MGME1: variants seen among roughly 807,000 people sequenced by gnomAD.
The protein encoded by MGME1 is mitochondrial genome maintenance exonuclease 1.
In MGME1, 22 loss-of-function variants were observed where a neutral mutation model predicts 33.0. That is an observed-to-expected ratio of 0.67 (90% CI 0.48 to 0.95). MGME1 has a LOEUF of 0.95. MGME1 is among the 40% of genes least tolerant of loss of function. The pLI is 0.00. For synonymous variants in MGME1, 133 were observed against 144.0 expected, an observed-to-expected ratio of 0.92 and a Z score of 0.55; for missense variants, 383 against 397.8, an observed-to-expected ratio of 0.96 and a Z score of 0.32.
Position 17,970,184 on chromosome 20 carries a change from A to AGT in MGME1, c.327_328dup (p.Asp110ValfsTer13), listed in dbSNP as rs757302363. 8 of 1,614,106 alleles carry AGT rather than the reference A, an allele frequency of 5.0e-6. No homozygotes were observed. The African/African-American group carries it at 9.3e-5, about 19-fold the overall frequency. ...GTTTCCTATCTTCAATCCAGAGAGA[A>AGT]GTGATAAACCAAATGCAAGTGATCC... is the stretch of plus-strand genomic sequence containing the variant. On this transcript the variant is annotated frameshift_variant, in exon 2 of 5. Coordinates refer to ENST00000377710, the MANE Select transcript of MGME1 (RefSeq NM_052865.4). LOFTEE classifies it high-confidence loss of function.
chr20:17,978,133 G>T (rs1477833889), intron 3 of MGME1, among the ~76,000 whole-genome samples: 1 of 152,052 alleles, frequency 6.6e-6, no homozygotes, highest in East Asian at 1.9e-4. Context: ...CTTCCAATGT[G>T]GGCCAGGAAG....
chr20:17,968,601 G>C (rs1487605628), upstream of MGME1: 3 of 633,588 alleles, frequency 4.7e-6, no homozygotes, highest in Non-Finnish European at 8.4e-6. Flanking sequence ...GCTGCCCCGG[G>C]AGCAGGCGAG....
chr20:17,976,352 G>A (rs1232480633), intron 3 of MGME1, among the ~76,000 whole-genome samples: 1 of 152,046 alleles, frequency 6.6e-6, no homozygotes, highest in East Asian at 1.9e-4. Flanking sequence ...TCAAACTCCC[G>A]ACCTCAAGTG....
At chr20:17,981,648 CGTGT>C (rs10677204) in intron 3 of MGME1, among the ~76,000 whole-genome samples, 12,751 of 139,678 alleles carry the variant, frequency 0.091, 756 homozygotes, top group African/African-American at 0.17. Context: ...ATCTACTACT[CGTGT>C]GTGTGTGTGT....
intron 4 of MGME1, 70 bp from the exon 5 acceptor site, chr20:17,989,869 T>G: frequency 6.9e-7 from 1 of 1,447,244 alleles, no homozygotes; most frequent in East Asian, 2.3e-5. Context: ...TGCCCTGGAG[T>G]AAGAAGGAAA....
At position 17,975,750 on chromosome 20, in the gene MGME1, TAAAAG is replaced by T; in HGVS notation, c.580_584del (p.Lys194GlufsTer3). The T allele has an allele frequency of 6.2e-7, 1 of 1,614,072 alleles. No individual in the cohort carries two copies. Among genetic ancestry groups the T allele is most frequent in the Admixed American group, 1.7e-5 (1 of 59,996 alleles). On this transcript the variant is annotated frameshift_variant, in exon 3 of 5. Transcript: ENST00000377710. LOFTEE classifies it high-confidence loss of function. ...AGCATACTTTCACCCCAGGAAACCT[TAAAAG>T]AGAGAGATGAAAATCTCCTCAAGTC...
intron 3 of MGME1, 58 bp from the exon 4 acceptor site, chr20:17,988,108 A>G: frequency 6.6e-7 from 1 of 1,515,244 alleles, no homozygotes; most frequent in South Asian, 1.2e-5. Flanking sequence ...CTGTTAACCT[A>G]GTAGAGATTT....
At chr20:17,975,101 C>T (rs2035825719) in intron 2 of MGME1, among the ~76,000 whole-genome samples, 2 of 152,104 alleles carry the variant, frequency 1.3e-5, no homozygotes, top group African/African-American at 4.8e-5. Context: ...TTGTAGCCGC[C>T]AGATCTTCAG....
chr20:17,971,719 C>T (rs1369585281), intron 2 of MGME1, among the ~76,000 whole-genome samples: 1 of 151,602 alleles, frequency 6.6e-6, no homozygotes, highest in East Asian at 1.9e-4. Context: ...ATAGAGTCAG[C>T]TTTGTTGATC....
At chr20:17,988,131 A>C (rs774337684) in intron 3 of MGME1, 35 bp from the exon 4 acceptor site, 4 of 1,586,786 alleles carry the variant, frequency 2.5e-6, no homozygotes, top group Non-Finnish European at 3.4e-6. Context: ...ATTGTGATCT[A>C]TTACCTACAA....
Position 17,970,030 on chromosome 20 carries a change from G to C in MGME1, c.171G>C (p.Gln57His), listed in dbSNP as rs772166486. ...VDQEKYSNLV[Q>H]SVLSSRGVAQ... ...AAGAAAAATACTCTAATTTAGTTCA[G>C]TCTGTCTTGTCATCCAGAGGCGTCG... Residue 57 changes from glutamine to histidine, a missense_variant, in exon 2 of 5, where the codon CAG becomes CAC. Transcript: ENST00000377710. 1.2e-6 allele frequency: 2 copies of C among 1,614,200 alleles called. No homozygotes were observed. The highest frequency in any genetic ancestry group is 2.2e-5 in the East Asian group (1 of 44,892).
chr20:17,988,127 A>T, intron 3 of MGME1, 39 bp from the exon 4 acceptor site: 1 of 1,579,396 alleles, frequency 6.3e-7, no homozygotes. Context: ...TTTCATTGTG[A>T]TCTATTACCT....
At chr20:17,985,854 C>G (rs567572856) in intron 3 of MGME1, among the ~76,000 whole-genome samples, 22 of 152,166 alleles carry the variant, frequency 1.4e-4, no homozygotes, top group Non-Finnish European at 2.4e-4. Context: ...GTAATATACT[C>G]TATGTTTGCA....
At chr20:17,979,003 C>T (rs889428192) in intron 3 of MGME1, among the ~76,000 whole-genome samples, 1 of 151,972 alleles carries the variant, frequency 6.6e-6, no homozygotes, top group South Asian at 2.1e-4. Flanking sequence ...GTCTCGAGCT[C>T]CGGGCCTTGA....
chr20:17,988,120 C>T, intron 3 of MGME1, 46 bp from the exon 4 acceptor site: 1 of 1,564,196 alleles, frequency 6.4e-7, no homozygotes, highest in Non-Finnish European at 8.7e-7. Flanking sequence ...TAGAGATTTT[C>T]ATTGTGATCT....
At chr20:17,979,466 C>T (rs895474152) in intron 3 of MGME1, among the ~76,000 whole-genome samples, 39 of 151,782 alleles carry the variant, frequency 2.6e-4, no homozygotes, top group South Asian at 2.1e-4. Context: ...GGCTGGAGTG[C>T]AGTGGCGCGA....
intron 4 of MGME1, 80 bp downstream of exon 4, chr20:17,988,378 A>G (rs1381100682): frequency 6.7e-6 from 10 of 1,485,612 alleles, no homozygotes; most frequent in South Asian, 1.3e-5. Context: ...GCAGTGGCTC[A>G]TGCCTGTAAT....
At chr20:17,972,945 T>C (rs191007576) in intron 2 of MGME1, among the ~76,000 whole-genome samples, 2 of 152,328 alleles carry the variant, frequency 1.3e-5, no homozygotes, top group East Asian at 1.9e-4. Context: ...ATAATTCCAA[T>C]TGAGTCAAGT....
At chr20:17,976,020 A>G in intron 3 of MGME1, 117 bp downstream of exon 3, 1 of 824,042 alleles carries the variant, frequency 1.2e-6, no homozygotes, top group Non-Finnish European at 2.0e-6. Context: ...TGTGCTAGGT[A>G]AAAGAATTGG....
Sources: allele counts gnomAD v4.1 joint callset (sites outside exome capture counted in the v4.1 genomes callset), GRCh38; gene constraint gnomAD v4.1.1; transcripts MANE v1.5; gene names NCBI Gene and HGNC (gene_info 2026-07-23, HGNC 2026-07-21).